The following AMPD2 variants were observed in gnomAD, a reference collection of about 807,000 sequenced individuals.
AMPD2 encodes the protein adenosine monophosphate deaminase 2, also known as AMP deaminase 2.
A neutral mutation model predicts 91.3 loss-of-function variants in AMPD2; 52 were observed. The observed-to-expected ratio is 0.57, with a 90% CI of 0.46 to 0.72. The LOEUF (loss-of-function observed/expected upper bound fraction) is 0.72, where lower values mean the gene tolerates loss of function less well. AMPD2 is among the 30% of genes least tolerant of loss of function. The pLI is 0.00. For missense variants in AMPD2, 822 were observed against 1,122.3 expected (o/e 0.73, Z 3.82); for synonymous variants, 455 against 456.4 (o/e 1.00, Z 0.04).
At chr1:109,627,676 C>T in intron 9 of AMPD2, 98 bp from the exon 10 acceptor site, 1 of 1,560,204 alleles carries the variant, frequency 6.4e-7, no homozygotes, top group East Asian at 2.3e-5. Context: ...AGCCTCCATC[C>T]TTACCCTCCC....
Position 109,621,147 on chromosome 1 carries a change from C to T in AMPD2, c.-29C>T. 1 of 1,596,730 alleles carries T rather than the reference C, an allele frequency of 6.3e-7. No homozygotes were observed. Among genetic ancestry groups the T allele is most frequent in the Non-Finnish European group, 8.5e-7 (1 of 1,170,992 alleles). The stretch of plus-strand genomic sequence containing the variant: ...GGCCCCAGCCGGTGCCGCTCAGACT[C>T]CCCCGCTGTCGCCGCCGTGGTCCCA... On this transcript the variant is annotated 5_prime_UTR_variant, in exon 2 of 19. Transcript: ENST00000528667.
At chr1:109,621,378 G>T (rs1461119519) in intron 2 of AMPD2, 112 bp downstream of exon 2, 1 of 1,262,174 alleles carries the variant, frequency 7.9e-7, no homozygotes, top group Admixed American at 2.0e-5. Flanking sequence ...TCCTCTCTGT[G>T]GTGGTGCCCC....
chr1:109,621,439 T>TGGGGTGTGGGGGGGGGGGGGGGGGG, intron 2 of AMPD2, 173 bp downstream of exon 2: 1 of 121,628 alleles, frequency 8.2e-6, no homozygotes. Flanking sequence ...TGAGGGGTGG[T>TGGGGTGTGGGGGGGGGGGGGGGGGG]GGGGGGCGGG....
chr1:109,626,430 A>G lies in AMPD2; in HGVS notation c.531+3A>G. The stretch of plus-strand genomic sequence containing the variant: ...TCTCTGGGGAGGAGAAGTGTGGGGT[A>G]AGTATGGGGTGTATGTTGGGTGAGT... On this transcript the variant is annotated splice_donor_region_variant and intron_variant, in intron 6 of 18. Coordinates refer to ENST00000528667, the MANE Select transcript of AMPD2 (RefSeq NM_001368809.2). 6.2e-7 allele frequency: 1 copy of G among 1,604,804 alleles called. No individual in the cohort carries two copies. Among genetic ancestry groups the G allele is most frequent in the Non-Finnish European group, 8.5e-7 (1 of 1,176,324 alleles).
At chr1:109,623,899 T>A (rs962180248) in intron 2 of AMPD2, 8 of 583,694 alleles carry the variant, frequency 1.4e-5, no homozygotes, top group Non-Finnish European at 1.7e-5. Flanking sequence ...ACTCTGATGC[T>A]CCTTCCCTTG....
chr1:109,620,370 A>C, intron 1 of AMPD2, 92 bp downstream of exon 1: 1 of 1,568,022 alleles, frequency 6.4e-7, no homozygotes, highest in Non-Finnish European at 8.7e-7. Flanking sequence ...ACAGCACAGC[A>C]GCAGGACCTA....
Position 109,631,145 on chromosome 1 carries a change from C to CTCAATGATT in AMPD2, c.2478_*1insTTTCAATGA. 1 of 1,579,262 alleles carries CTCAATGATT rather than the reference C, an allele frequency of 6.3e-7. No individual in the cohort carries two copies. The highest frequency in any genetic ancestry group is 8.6e-7 in the Non-Finnish European group (1 of 1,162,616). On this transcript the variant is annotated stop_gained and inframe_insertion, in exon 19 of 19. Coordinates refer to ENST00000528667, the MANE Select transcript of AMPD2 (RefSeq NM_001368809.2). LOFTEE classifies it high-confidence loss of function. ...GCGGGTATCACCATGAGCCCAGGGC[C>CTCAATGATT]TCAATGAGCCTGGTCCATGAAGTGC...
In AMPD2 at chr1:109,625,910, A is replaced by C. The variant is rs974535750; in HGVS notation, c.353+118A>C. 1.4e-6 allele frequency: 2 copies of C among 1,479,616 alleles called. No homozygotes were observed. Among genetic ancestry groups the C allele is most frequent in the Admixed American group, 2.1e-5 (1 of 48,132 alleles). The allele number at this position is 1,479,616 out of a possible 1,614,324, so 91.7% of individuals were successfully genotyped here. On this transcript the variant is annotated intron_variant, in intron 4 of 18. Transcript: ENST00000528667. This position sits in a 1 kb window ranked among gnomAD's most constrained non-coding sequence, Gnocchi z 4.0. ...TGGGGGGTCTGCACAGGGAGCATAG[A>C]GTGGGCTTTGGAGTCGGGCTGCTGG... is the stretch of plus-strand genomic sequence containing the variant.
intron 16 of AMPD2, 151 bp from the exon 17 acceptor site, chr1:109,630,082 T>C: frequency 1.5e-6 from 2 of 1,348,222 alleles, no homozygotes; most frequent in Non-Finnish European, 2.1e-6. Flanking sequence ...GGGCCCCAAC[T>C]TGGATTTTGA....
intron 1 of AMPD2, chr1:109,620,516 C>G (rs540194828): frequency 8.1e-7 from 1 of 1,235,282 alleles, no homozygotes; most frequent in African/African-American, 1.6e-5. Flanking sequence ...TTCCTGCCTT[C>G]CTGGGAGGTA....
In AMPD2 at chr1:109,631,286, C is replaced by G; in HGVS notation, c.*134C>G. 3.2e-6 allele frequency: 3 copies of G among 941,744 alleles called. No homozygotes were observed. Among genetic ancestry groups the G allele is most frequent in the Non-Finnish European group, 4.9e-6 (3 of 611,710 alleles). The allele number at this position is 941,744 out of a possible 1,614,324, so 58.3% of individuals were successfully genotyped here. On this transcript the variant is annotated 3_prime_UTR_variant, in exon 19 of 19. Transcript: ENST00000528667. Reference sequence around the variant, plus strand: ...GTCTTGCATGTCTCCTACCATGTCACTGTCCCTGGGCCACCCAGTGAAAGC... The same window carrying G: ...GTCTTGCATGTCTCCTACCATGTCAGTGTCCCTGGGCCACCCAGTGAAAGC...
In AMPD2 at chr1:109,630,318, A is replaced by G; in HGVS notation, c.2069A>G (p.Tyr690Cys). Residue 690 changes from tyrosine to cysteine, a missense_variant, in exon 17 of 19, where the codon TAT becomes TGT. Around this residue, in one of 5 missense-constraint regions of AMPD2, gnomAD observed 430 missense variants for 606.0 expected, o/e 0.71. Transcript: ENST00000528667. ...PLSNNSLFLSYHRNPLPEYLS... is the reference protein window; with the variant it reads ...PLSNNSLFLSCHRNPLPEYLS... ...AGCAACAACAGCCTCTTCCTCAGCT[A>G]TCACCGGAATCCGCTACCGGAGTAC... 6.2e-7 allele frequency: 1 copy of G among 1,613,778 alleles called. No individual in the cohort carries two copies. The highest frequency in any genetic ancestry group is 8.5e-7 in the Non-Finnish European group (1 of 1,179,938).
chr1:109,626,147 CT>C lies in AMPD2; in HGVS notation c.354-12del. 6 of 1,614,118 alleles carry C rather than the reference CT, an allele frequency of 3.7e-6. No individual in the cohort carries two copies. Among genetic ancestry groups the C allele is most frequent in the Non-Finnish European group, 5.1e-6 (6 of 1,180,008 alleles). ...TCGGGATCTGCCTGACTTCTCACCC[CT>C]CTTGCCTCTAGGCTGGAGCCAGACA... On this transcript the variant is annotated splice_polypyrimidine_tract_variant and intron_variant, in intron 4 of 18. Transcript: ENST00000528667.
chr1:109,629,097 T>C lies in AMPD2; in HGVS notation c.1572-12T>C, dbSNP rs955857382. The C allele has an allele frequency of 1.2e-6, 2 of 1,613,168 alleles. No individual in the cohort carries two copies. Among genetic ancestry groups the C allele is most frequent in the Non-Finnish European group, 1.7e-6 (2 of 1,179,518 alleles). ...CTGACTTGCACATACCTGCATGTTGTCTCACCTGCAGTGATGTGTACCGTA... is the reference window on the plus strand; with the variant it reads ...CTGACTTGCACATACCTGCATGTTGCCTCACCTGCAGTGATGTGTACCGTA... On this transcript the variant is annotated splice_polypyrimidine_tract_variant and intron_variant, in intron 13 of 18. Coordinates refer to ENST00000528667, the MANE Select transcript of AMPD2 (RefSeq NM_001368809.2).
At chr1:109,622,163 A>G (rs1441356431) in intron 2 of AMPD2, 1 of 455,638 alleles carries the variant, frequency 2.2e-6, no homozygotes, top group East Asian at 7.0e-5. Context: ...TCAACCTCCT[A>G]TATTTTTTTG....
At position 109,625,357 on chromosome 1, in the gene AMPD2, GC is replaced by G; in HGVS notation, c.150del (p.Ala51ProfsTer82). The G allele has an allele frequency of 1.9e-6, 3 of 1,613,704 alleles. No individual in the cohort carries two copies. Among genetic ancestry groups the G allele is most frequent in the Non-Finnish European group, 1.7e-6 (2 of 1,179,940 alleles). Reference sequence around the variant, plus strand: ...CTGCAGTCTGCCCGATCCCTGCCGGGCCCCGCCCCCTGCCTCAAGCACTTCC... The same window carrying G: ...CTGCAGTCTGCCCGATCCCTGCCGGGCCCGCCCCCTGCCTCAAGCACTTCC... ...PPLQSARSLP[G>X]PAPCLKHFPL... is the part of the protein sequence containing the mutation. On this transcript the variant is annotated frameshift_variant, in exon 3 of 19. Coordinates refer to ENST00000528667, the MANE Select transcript of AMPD2 (RefSeq NM_001368809.2). LOFTEE classifies it high-confidence loss of function. The surrounding 1 kb of genome is among the most constrained non-coding windows in gnomAD (Gnocchi z 4.0).
Position 109,631,116 on chromosome 1 carries a change from G to T in AMPD2, c.2442G>T (p.Glu814Asp), listed in dbSNP as rs1166986189. The T allele has an allele frequency of 6.2e-7, 1 of 1,601,456 alleles. No individual in the cohort carries two copies. The highest frequency in any genetic ancestry group is 8.5e-7 in the Non-Finnish European group (1 of 1,174,338). The stretch of plus-strand genomic sequence containing the variant: ...GTGAGATGCTGGAGACCATTCCAGA[G>T]GAGGCGGGTATCACCATGAGCCCAG... ...VQSEMLETIP[E>D]EAGITMSPGP... The change falls in exon 19 of 19, where the codon GAG becomes GAT. Residue 814 changes from glutamate (E) to aspartate (D), a missense_variant. Around this residue, in one of 5 missense-constraint regions of AMPD2, gnomAD observed 430 missense variants for 606.0 expected, o/e 0.71. Coordinates refer to ENST00000528667, the MANE Select transcript of AMPD2 (RefSeq NM_001368809.2).
At position 109,631,095 on chromosome 1, in the gene AMPD2, G is replaced by C; in HGVS notation, c.2421G>C (p.Glu807Asp). ...LALITQAVQS[E>D]MLETIPEEAG... ...TCATCACGCAGGCAGTCCAGAGTGA[G>C]ATGCTGGAGACCATTCCAGAGGAGG... The change falls in exon 19 of 19, where the codon GAG becomes GAC. Residue 807 changes from glutamate (E) to aspartate (D), a missense_variant. Transcript: ENST00000528667. 6.2e-7 allele frequency: 1 copy of C among 1,610,660 alleles called. No homozygotes were observed. The highest frequency in any genetic ancestry group is 8.5e-7 in the Non-Finnish European group (1 of 1,178,544).
chr1:109,622,114 C>T, intron 2 of AMPD2: 1 of 436,508 alleles, frequency 2.3e-6, no homozygotes, highest in Non-Finnish European at 4.7e-6. Context: ...ATGCCGACTG[C>T]CCCCACCCTT....
Sources: gnomAD v4.1 joint callset for allele counts on GRCh38, gnomAD v4.1.1 for gene constraint, gnomAD v4.1.1 regional missense constraint, Gnocchi (gnomAD v3.1) non-coding constraint, MANE v1.5 for transcripts, NCBI Gene and HGNC (gene_info 2026-07-23, HGNC 2026-07-21) for gene names.